The following SOX6 variants were observed in gnomAD, a reference collection of about 807,000 sequenced individuals.
The protein encoded by SOX6 is SRY-box transcription factor 6, also known as transcription factor SOX-6.
A neutral mutation model predicts 97.8 loss-of-function variants in SOX6; 11 were observed. The observed-to-expected ratio is 0.11, with a 90% CI of 0.07 to 0.19. The LOEUF is 0.19. SOX6 is among the 10% of genes least tolerant of loss of function. The pLI is 1.00. For missense variants in SOX6, 810 were observed against 1,039.5 expected, an observed-to-expected ratio of 0.78 and a Z score of 3.04; for synonymous variants, 360 against 371.4, an observed-to-expected ratio of 0.97 and a Z score of 0.35.
chr11:16,536,529 G>T (rs527488466), intron 4 of SOX6, among the ~76,000 whole-genome samples: 2 of 152,274 alleles, frequency 1.3e-5, no homozygotes, highest in African/African-American at 4.8e-5. Flanking sequence ...ACAAGGGGTC[G>T]GGGATCTCCC....
chr11:16,089,920 A>G (rs1028690591), intron 9 of SOX6, among the ~76,000 whole-genome samples: 2 of 152,094 alleles, frequency 1.3e-5, no homozygotes, highest in African/African-American at 2.4e-5. Flanking sequence ...AAATGCTAGA[A>G]TGTTTTGCTT....
chr11:16,319,105 CTTTAG>C (rs1855834162), intron 2 of SOX6, among the ~76,000 whole-genome samples: 1 of 152,060 alleles, frequency 6.6e-6, no homozygotes, highest in Admixed American at 6.6e-5. Context: ...AAACACTGTC[CTTTAG>C]TTTAGAACAA....
chr11:16,122,251 G>C (rs1849511678), intron 6 of SOX6, among the ~76,000 whole-genome samples: 1 of 151,954 alleles, frequency 6.6e-6, no homozygotes, highest in Admixed American at 6.6e-5. Flanking sequence ...TGGTCACCAG[G>C]CCATCACAGA....
At chr11:16,127,241 A>C (rs1564968833) in intron 6 of SOX6, among the ~76,000 whole-genome samples, 1 of 152,124 alleles carries the variant, frequency 6.6e-6, no homozygotes, top group African/African-American at 2.4e-5. Flanking sequence ...GAAGGCTGCT[A>C]GTCAAGTGAT....
chr11:16,463,944 C>T (rs948002730), intron 1 of SOX6, among the ~76,000 whole-genome samples: 5 of 152,132 alleles, frequency 3.3e-5, no homozygotes, highest in African/African-American at 1.2e-4. Context: ...CAACAAATGA[C>T]CAACATCAAC....
At position 15,978,348 on chromosome 11, in the gene SOX6, A is replaced by G. The variant is rs571580226; in HGVS notation, c.2184-5236T>C. ...CAGAGCTTATGAAGGTCACACCATCAATAATCTTCATATTGTTAAATCCAA... is the reference window on the plus strand; with the variant it reads ...CAGAGCTTATGAAGGTCACACCATCGATAATCTTCATATTGTTAAATCCAA... On this transcript the variant is annotated intron_variant, in intron 15 of 15. Coordinates refer to ENST00000683767, the MANE Select transcript of SOX6 (RefSeq NM_001367873.1). Among the ~76,000 whole-genome samples, 3 of 152,204 alleles carry G rather than the reference A, an allele frequency of 2.0e-5. No homozygotes were observed. The East Asian group carries it at 5.8e-4, about 30-fold the overall frequency.
intron 4 of SOX6, among the ~76,000 whole-genome samples, chr11:16,551,216 T>C (rs1847682352): frequency 6.6e-6 from 1 of 152,048 alleles, no homozygotes; most frequent in Non-Finnish European, 1.5e-5. Flanking sequence ...CTGGGAATGG[T>C]GGCACACACC....
intron 6 of SOX6, among the ~76,000 whole-genome samples, chr11:16,178,095 G>A (rs1025436463): frequency 1.3e-5 from 2 of 152,034 alleles, no homozygotes; most frequent in South Asian, 4.1e-4. Flanking sequence ...GGCCACACTC[G>A]GAAAAACAGG....
intron 6 of SOX6, among the ~76,000 whole-genome samples, chr11:16,158,847 T>C (rs917281292): frequency 6.6e-6 from 1 of 151,344 alleles, no homozygotes; most frequent in African/African-American, 2.4e-5. Context: ...GCATTAGTCC[T>C]ATGTGCTTGA....
chr11:16,170,485 T>C (rs1296718229), intron 6 of SOX6, among the ~76,000 whole-genome samples: 1 of 152,038 alleles, frequency 6.6e-6, no homozygotes, highest in Non-Finnish European at 1.5e-5. Flanking sequence ...TTAGATTTCT[T>C]GCCAGATATC....
Position 16,473,464 on chromosome 11 carries a change from TG to T in SOX6, c.-5+2850del, listed in dbSNP as rs201233021. Reference sequence around the variant, plus strand: ...TCAGCAAGATAATCTTTTTGATGGGTGGAGGCTCTTGTTTTGATGTTGATGG... The same window carrying T: ...TCAGCAAGATAATCTTTTTGATGGGTGAGGCTCTTGTTTTGATGTTGATGG... On this transcript the variant is annotated intron_variant, in intron 1 of 15. Transcript: ENST00000396356. Among the ~76,000 whole-genome samples, 1,284 of 152,116 alleles carry T rather than the reference TG, an allele frequency of 8.4e-3. 21 individuals are homozygous for T. Among genetic ancestry groups the T allele is most frequent in the African/African-American group, 0.028 (1,170 of 41,494 alleles).
intron 4 of SOX6, among the ~76,000 whole-genome samples, chr11:16,498,888 T>C (rs1187327536): frequency 3.3e-5 from 5 of 152,102 alleles, no homozygotes; most frequent in Non-Finnish European, 5.9e-5. Flanking sequence ...CTGTCAACAT[T>C]AGACAGATCA....
chr11:16,611,590 C>A (rs898575098), intron 4 of SOX6, among the ~76,000 whole-genome samples: 3 of 152,228 alleles, frequency 2.0e-5, no homozygotes, highest in Admixed American at 6.5e-5. Flanking sequence ...AGCTGCCCAT[C>A]GCACTTCATT....
At chr11:16,513,717 T>C (rs1860916742) in intron 4 of SOX6, among the ~76,000 whole-genome samples, 1 of 152,160 alleles carries the variant, frequency 6.6e-6, no homozygotes, top group South Asian at 2.1e-4. Context: ...GCTGAGAAGA[T>C]GTTGAAATCA....
chr11:16,500,935 T>C (rs925609054), intron 4 of SOX6, among the ~76,000 whole-genome samples: 6 of 152,132 alleles, frequency 3.9e-5, no homozygotes, highest in African/African-American at 1.4e-4. Context: ...CCAAGGACTT[T>C]CTTCACAGAA....
At chr11:16,334,816 T>C (rs373632526) in intron 2 of SOX6, among the ~76,000 whole-genome samples, 1 of 152,180 alleles carries the variant, frequency 6.6e-6, no homozygotes, top group African/African-American at 2.4e-5. Context: ...AGGCATATTA[T>C]GTAATTAAGA....
intron 3 of SOX6, among the ~76,000 whole-genome samples, chr11:16,309,596 A>C (rs987916206): frequency 2.0e-5 from 3 of 152,168 alleles, no homozygotes; most frequent in African/African-American, 7.2e-5. Context: ...TAGATTCAAT[A>C]GTATTAGAAA....
chr11:16,639,793 CT>C (rs1454850412), intron 3 of SOX6, among the ~76,000 whole-genome samples: 14 of 152,124 alleles, frequency 9.2e-5, no homozygotes, highest in African/African-American at 3.1e-4. Flanking sequence ...TGCTTATCAG[CT>C]TAAGGAGATT....
chr11:16,530,602 A>G (rs909895843), intron 4 of SOX6, among the ~76,000 whole-genome samples: 2 of 152,062 alleles, frequency 1.3e-5, no homozygotes, highest in African/African-American at 4.8e-5. Flanking sequence ...GTATGAAAGG[A>G]TATCAAATTC....
Sources: gnomAD v4.1 joint callset for allele counts (sites outside exome capture counted in the v4.1 genomes callset) on GRCh38, gnomAD v4.1.1 for gene constraint, MANE v1.5 for transcripts, NCBI Gene and HGNC (gene_info 2026-07-23, HGNC 2026-07-21) for gene names.